Variants in OCA2 observed in about 807,000 individuals in gnomAD.
OCA2 encodes P protein.
OCA2 carries 77 observed loss-of-function variants against 100.2 expected under a neutral mutation model. The ratio of observed to expected loss-of-function variants is 0.77; its 90% CI spans 0.64 to 0.93. OCA2 has a LOEUF of 0.93. OCA2 is among the 40% of genes least tolerant of loss of function. OCA2 has a pLI of 0.00. For missense variants in OCA2, 1,062 were observed against 1,089.1 expected (o/e 0.98, Z 0.35); for synonymous variants, 432 against 439.2 (o/e 0.98, Z 0.21).
chr15:28,057,728 C>T (rs1033724417), intron 2 of OCA2, among the ~76,000 whole-genome samples: 3 of 152,366 alleles, frequency 2.0e-5, no homozygotes, highest in Middle Eastern at 3.4e-3. Flanking sequence ...AGCAAAGCCT[C>T]CTGGGCACAA....
At chr15:27,951,640 G>A in intron 18 of OCA2, 144 bp downstream of exon 18, 1 of 713,156 alleles carries the variant, frequency 1.4e-6, no homozygotes, top group Non-Finnish European at 2.6e-6. Flanking sequence ...TCCCAGGGCA[G>A]GCTGCCCACC....
intron 23 of OCA2, among the ~76,000 whole-genome samples, chr15:27,770,162 A>T (rs545619397): frequency 4.7e-4 from 71 of 152,364 alleles, no homozygotes; most frequent in African/African-American, 1.7e-3. Flanking sequence ...GTCCCTGGAA[A>T]CAAAGCTCAT....
Position 27,996,930 on chromosome 15 carries a change from G to A in OCA2, c.1045-6283C>T, listed in dbSNP as rs1428306928. Among the ~76,000 whole-genome samples the A allele has an allele frequency of 2.6e-5, 4 of 151,318 alleles. No individual in the cohort carries two copies. In the South Asian group the frequency reaches 6.2e-4, roughly 24 times the overall value. ...GCAAAAAATGAAGAGAGAACACTTC[G>A]AAACTTGTTTTATAAAGCTGGTGTT... is the stretch of plus-strand genomic sequence containing the variant. On this transcript the variant is annotated intron_variant, in intron 9 of 23. Transcript: ENST00000354638.
At chr15:28,008,547 C>T (rs971881569) in intron 9 of OCA2, among the ~76,000 whole-genome samples, 15 of 152,168 alleles carry the variant, frequency 9.9e-5, no homozygotes, top group African/African-American at 1.9e-4. Context: ...TGTGAGGTCC[C>T]GTCCTAGCCA....
At chr15:27,808,625 A>G (rs548581835) in intron 23 of OCA2, among the ~76,000 whole-genome samples, 13 of 152,298 alleles carry the variant, frequency 8.5e-5, no homozygotes, top group Admixed American at 2.6e-4. Flanking sequence ...CTGGATATTT[A>G]GAAAAACGTG....
chr15:27,750,295 CT>C (rs139064525), downstream of OCA2, among the ~76,000 whole-genome samples: 132 of 152,314 alleles, frequency 8.7e-4, no homozygotes, highest in African/African-American at 3.1e-3. Flanking sequence ...AACTACACCC[CT>C]CTTTGGAGTG....
chr15:27,874,261 C>G (rs7167140), intron 19 of OCA2, among the ~76,000 whole-genome samples: 1 of 152,164 alleles, frequency 6.6e-6, no homozygotes, highest in East Asian at 1.9e-4. Context: ...TGTCTAGGAG[C>G]GGCAAGACTT....
the OCA2 span, among the ~76,000 whole-genome samples, chr15:27,731,135 C>T: frequency 6.6e-6 from 1 of 152,110 alleles, no homozygotes; most frequent in Non-Finnish European, 1.5e-5. Flanking sequence ...TGTAAGTTAC[C>T]TTCAAACAGC....
intron 23 of OCA2, among the ~76,000 whole-genome samples, chr15:27,770,308 C>T (rs978966553): frequency 3.9e-5 from 6 of 152,180 alleles, no homozygotes; most frequent in African/African-American, 1.2e-4. Flanking sequence ...GGACCCCAAG[C>T]CGGGAGGGGC....
intron 19 of OCA2, among the ~76,000 whole-genome samples, chr15:27,893,979 C>T (rs3925703): frequency 2.0e-5 from 3 of 152,144 alleles, no homozygotes; most frequent in African/African-American, 7.2e-5. Flanking sequence ...TACTTACTCT[C>T]TGTTCTTACA....
intron 19 of OCA2, among the ~76,000 whole-genome samples, chr15:27,894,682 C>A (rs1447799024): frequency 6.6e-6 from 1 of 152,190 alleles, no homozygotes; most frequent in Non-Finnish European, 1.5e-5. Context: ...TGACTCTGCA[C>A]CTTGAAGATG....
At chr15:27,881,462 G>T (rs1310839711) in intron 19 of OCA2, among the ~76,000 whole-genome samples, 1 of 152,068 alleles carries the variant, frequency 6.6e-6, no homozygotes, top group East Asian at 1.9e-4. Flanking sequence ...TTGTACCTCT[G>T]GTAGAATTCA....
chr15:27,851,332 CCA>C, intron 22 of OCA2, 48 bp downstream of exon 22: 1 of 1,466,996 alleles, frequency 6.8e-7, no homozygotes, highest in South Asian at 1.2e-5. Flanking sequence ...TTGGGCTGAA[CCA>C]CAGTGTGGGC....
chr15:27,786,897 G>T (rs1003632179), intron 23 of OCA2, among the ~76,000 whole-genome samples: 1 of 152,112 alleles, frequency 6.6e-6, no homozygotes, highest in Admixed American at 6.5e-5. Flanking sequence ...TCACCATTAG[G>T]TATGATACTA....
the OCA2 span, among the ~76,000 whole-genome samples, chr15:27,722,646 C>CTTCA: frequency 6.9e-6 from 1 of 145,198 alleles, no homozygotes. Context: ...TCCTTCCTTC[C>CTTCA]TTCTTTTCTC....
At position 27,985,162 on chromosome 15, in the gene OCA2, C is replaced by T; in HGVS notation, c.1266G>A (p.Val422=). 1.2e-6 allele frequency: 2 copies of T among 1,613,892 alleles called. No individual in the cohort carries two copies. Among genetic ancestry groups the T allele is most frequent in the Admixed American group, 1.7e-5 (1 of 60,026 alleles). ...GACAGAGCATGATGATCATGGCCCACACCCGTCCCCGGGAGAGCCGGTATG... is the reference window on the plus strand; with the variant it reads ...GACAGAGCATGATGATCATGGCCCATACCCGTCCCCGGGAGAGCCGGTATG... ...VKAYRLSRGR[V]WAMIIMLCLI... is the part of the protein sequence containing the mutation. The change falls in exon 13 of 24, where the codon GTG becomes GTA. Residue 422 remains valine (V), a synonymous_variant. Coordinates refer to ENST00000354638, the MANE Select transcript of OCA2 (RefSeq NM_000275.3).
chr15:28,032,706 T>C (rs936115580), intron 2 of OCA2, among the ~76,000 whole-genome samples: 7 of 151,034 alleles, frequency 4.6e-5, no homozygotes, highest in African/African-American at 1.2e-4. Context: ...AGGCAGAGAA[T>C]TGCTTGAACC....
At chr15:27,944,631 G>A (rs563392635) in intron 18 of OCA2, among the ~76,000 whole-genome samples, 1 of 152,050 alleles carries the variant, frequency 6.6e-6, no homozygotes, top group Non-Finnish European at 1.5e-5. Flanking sequence ...TGCTCCTGTG[G>A]CTTACTCAGA....
intron 23 of OCA2, among the ~76,000 whole-genome samples, chr15:27,784,483 A>T (rs1209501984): frequency 6.6e-6 from 1 of 152,220 alleles, no homozygotes; most frequent in Non-Finnish European, 1.5e-5. Context: ...TAAGCTAGGG[A>T]AAAAGAACCT....
Sources: gnomAD v4.1 joint callset for allele counts (sites outside exome capture counted in the v4.1 genomes callset) on GRCh38, gnomAD v4.1.1 for gene constraint, MANE v1.5 for transcripts, NCBI Gene and HGNC (gene_info 2026-07-23, HGNC 2026-07-21) for gene names.